UTRN: variants seen among roughly 807,000 people sequenced by gnomAD.
UTRN encodes dystrophin-related protein 1.
In UTRN, 283 loss-of-function variants were observed where a neutral mutation model predicts 463.9. The observed-to-expected ratio is 0.61, with a 90% CI of 0.55 to 0.67. UTRN has a LOEUF of 0.67. UTRN is among the 30% of genes least tolerant of loss of function. The pLI is 0.00. For missense variants in UTRN, 3,922 were observed against 4,084.3 expected (o/e 0.96, Z 1.08); for synonymous variants, 1,442 against 1,431.5 (o/e 1.01, Z -0.17).
At chr6:144,757,236 T>TAA (rs375711274) in intron 57 of UTRN, among the ~76,000 whole-genome samples, 1,785 of 115,512 alleles carry the variant, frequency 0.015, 36 homozygotes, top group East Asian at 0.052. Context: ...ACTAGAATTG[T>TAA]AAAAAAAAAA....
At chr6:144,302,013 C>T (rs1296918429) in intron 2 of UTRN, among the ~76,000 whole-genome samples, 3 of 152,158 alleles carry the variant, frequency 2.0e-5, no homozygotes, top group Non-Finnish European at 4.4e-5. Flanking sequence ...AGTTTTGCAA[C>T]CTCCATCTTT....
At chr6:144,486,329 G>A (rs529348835) in intron 28 of UTRN, among the ~76,000 whole-genome samples, 59 of 152,172 alleles carry the variant, frequency 3.9e-4, no homozygotes, top group African/African-American at 1.4e-3. Flanking sequence ...AATATGAAAA[G>A]CTTAATTTTT....
intron 51 of UTRN, among the ~76,000 whole-genome samples, chr6:144,644,459 G>T (rs1778087917): frequency 6.6e-6 from 1 of 152,008 alleles, no homozygotes; most frequent in Non-Finnish European, 1.5e-5. Context: ...ATATGATTTA[G>T]TTTTACAAAC....
intron 53 of UTRN, among the ~76,000 whole-genome samples, chr6:144,717,093 C>T (rs984807316): frequency 6.6e-6 from 1 of 152,164 alleles, no homozygotes; most frequent in African/African-American, 2.4e-5. Context: ...AATGATCAAA[C>T]CAATTTTTTG....
In UTRN at chr6:144,603,701, C is replaced by T. The variant is rs149553453; in HGVS notation, c.7479+26413C>T. On this transcript the variant is annotated intron_variant, in intron 51 of 74. Transcript: ENST00000367545. ...TTTCAGTCTTTATCGTAAAAACTTT[C>T]GATATTTCATGAAAAAAGTAGACAT... Among the ~76,000 whole-genome samples the T allele has an allele frequency of 9.9e-5, 15 of 152,020 alleles. No individual in the cohort carries two copies. The South Asian group carries it at 1.5e-3, about 15-fold the overall frequency.
chr6:144,484,452 T>C (rs2128575454), intron 27 of UTRN, among the ~76,000 whole-genome samples: 1 of 143,200 alleles, frequency 7.0e-6, no homozygotes, highest in South Asian at 2.3e-4. Flanking sequence ...TTTTTTTTTT[T>C]TTTTTTTGAG....
intron 2 of UTRN, among the ~76,000 whole-genome samples, chr6:144,358,239 A>G (rs1283063108): frequency 6.6e-6 from 1 of 152,236 alleles, no homozygotes; most frequent in Non-Finnish European, 1.5e-5. Context: ...ATTTAGAATA[A>G]CAGTTTAAAT....
At chr6:144,822,380 A>G (rs984728233) in intron 66 of UTRN, among the ~76,000 whole-genome samples, 1 of 152,094 alleles carries the variant, frequency 6.6e-6, no homozygotes, top group African/African-American at 2.4e-5. Flanking sequence ...TACAATGCAA[A>G]TGCATATTTA....
chr6:144,489,858 G>A (rs1388326129), intron 30 of UTRN, among the ~76,000 whole-genome samples: 1 of 151,952 alleles, frequency 6.6e-6, no homozygotes, highest in Non-Finnish European at 1.5e-5. Context: ...CTGATGTCGT[G>A]ATCCACCCGC....
chr6:144,699,140 C>T (rs1367799782), intron 52 of UTRN, among the ~76,000 whole-genome samples: 1 of 152,038 alleles, frequency 6.6e-6, no homozygotes, highest in Non-Finnish European at 1.5e-5. Context: ...AATTTCCATT[C>T]CTAAAAAAGT....
At chr6:144,391,619 A>G (rs944150162) in intron 2 of UTRN, among the ~76,000 whole-genome samples, 10 of 152,032 alleles carry the variant, frequency 6.6e-5, no homozygotes, top group Admixed American at 6.6e-4. Flanking sequence ...CTTGCATGTA[A>G]AGTTGGTAAG....
At chr6:144,504,295 G>C (rs1305867781) in intron 34 of UTRN, among the ~76,000 whole-genome samples, 1 of 152,174 alleles carries the variant, frequency 6.6e-6, no homozygotes, top group Non-Finnish European at 1.5e-5. Flanking sequence ...AGTGGTGAGA[G>C]AGGGCATCCT....
chr6:144,615,608 A>G (rs1177742773), intron 51 of UTRN, among the ~76,000 whole-genome samples: 1 of 152,056 alleles, frequency 6.6e-6, no homozygotes, highest in African/African-American at 2.4e-5. Context: ...ATGTATTCCT[A>G]TTTGTTGTAC....
intron 53 of UTRN, among the ~76,000 whole-genome samples, chr6:144,729,406 A>C (rs1788281133): frequency 6.6e-6 from 1 of 152,216 alleles, no homozygotes; most frequent in African/African-American, 2.4e-5. Flanking sequence ...AGTTGTCTTC[A>C]AAAGGAAAGA....
At chr6:144,567,203 CA>C (rs1800487765) in intron 50 of UTRN, among the ~76,000 whole-genome samples, 1 of 151,956 alleles carries the variant, frequency 6.6e-6, no homozygotes, top group Non-Finnish European at 1.5e-5. Context: ...TCAGTGAAGA[CA>C]AAAAGGGATT....
intron 59 of UTRN, among the ~76,000 whole-genome samples, chr6:144,773,428 A>G (rs150716250): frequency 6.6e-6 from 1 of 152,276 alleles, no homozygotes; most frequent in African/African-American, 2.4e-5. Context: ...CTTTCTCTTC[A>G]TCACCTTCCT....
chr6:144,746,917 A>G (rs1790807915), intron 54 of UTRN, among the ~76,000 whole-genome samples: 1 of 152,240 alleles, frequency 6.6e-6, no homozygotes, highest in Non-Finnish European at 1.5e-5. Flanking sequence ...CTTAAGCAGC[A>G]CAACTTGTAG....
chr6:144,698,193 A>G (rs1562782831), intron 52 of UTRN, among the ~76,000 whole-genome samples: 1 of 152,194 alleles, frequency 6.6e-6, no homozygotes, highest in Admixed American at 6.5e-5. Context: ...TGAAATTATT[A>G]GTTATCAGGG....
intron 58 of UTRN, among the ~76,000 whole-genome samples, chr6:144,770,305 G>C (rs1038374517): frequency 6.6e-6 from 1 of 152,012 alleles, no homozygotes; most frequent in Non-Finnish European, 1.5e-5. Flanking sequence ...AGTTATTTGG[G>C]GTTTTTGTTA....
Sources: allele counts gnomAD v4.1 joint callset (sites outside exome capture counted in the v4.1 genomes callset), GRCh38; gene constraint gnomAD v4.1.1; transcripts MANE v1.5; gene names NCBI Gene and HGNC (gene_info 2026-07-23, HGNC 2026-07-21).